The following SAMD4A variants were observed in gnomAD, a reference collection of about 807,000 sequenced individuals.
The protein encoded by SAMD4A is sterile alpha motif domain containing 4A, also known as protein Smaug homolog 1.
In SAMD4A, 33 loss-of-function variants were observed where a neutral mutation model predicts 81.3. The observed-to-expected ratio is 0.41, with a 90% CI of 0.31 to 0.54. The LOEUF is 0.54. Ranked by LOEUF, SAMD4A falls within the 20% of genes least tolerant of loss-of-function variation. SAMD4A has a pLI of 0.37. For synonymous variants in SAMD4A, 389 were observed against 382.1 expected (o/e 1.02, Z -0.21); for missense variants, 854 against 951.1 (o/e 0.90, Z 1.34).
chr14:54,770,088 C>CTGTT lies in SAMD4A; in HGVS notation c.1597-10_1597-7dup, dbSNP rs1491530889. ...AGGCTGCGTCACCCATTTAAAAGTC[C>CTGTT]TGTTTGTTTTTGCAGGCATTTACAG... On this transcript the variant is annotated splice_polypyrimidine_tract_variant and intron_variant, in intron 8 of 12. Transcript: ENST00000554335. The CTGTT allele has an allele frequency of 9.7e-6, 15 of 1,543,176 alleles. No individual in the cohort carries two copies. The highest frequency in any genetic ancestry group is 1.3e-5 in the Non-Finnish European group (14 of 1,116,216).
chr14:54,659,997 C>T (rs1477849272), intron 2 of SAMD4A, among the ~76,000 whole-genome samples: 2 of 151,938 alleles, frequency 1.3e-5, no homozygotes, highest in Non-Finnish European at 2.9e-5. Context: ...AGGAAAATTG[C>T]GTGAACCCGG....
intron 2 of SAMD4A, among the ~76,000 whole-genome samples, chr14:54,626,070 G>A (rs1319598085): frequency 2.7e-5 from 3 of 111,378 alleles, no homozygotes; most frequent in African/African-American, 7.6e-5. Context: ...GCGCGCGCGC[G>A]CGCGCGAGTG....
chr14:54,762,346 C>G (rs1240176975), intron 7 of SAMD4A, among the ~76,000 whole-genome samples: 1 of 152,174 alleles, frequency 6.6e-6, no homozygotes, highest in African/African-American at 2.4e-5. Flanking sequence ...TATTTCAGAC[C>G]ATTTTAAAAA....
chr14:54,608,958 G>C (rs1052429580), intron 2 of SAMD4A, among the ~76,000 whole-genome samples: 6 of 152,164 alleles, frequency 3.9e-5, no homozygotes, highest in African/African-American at 1.2e-4. Context: ...AGTAAAAGGC[G>C]CTTTTCACAT....
In SAMD4A at chr14:54,758,700, C is replaced by T. The variant is rs1345341055; in HGVS notation, c.1177-1461C>T. Among the ~76,000 whole-genome samples the T allele has an allele frequency of 3.9e-5, 6 of 152,172 alleles. No individual in the cohort carries two copies. In the South Asian group the frequency reaches 1.2e-3, roughly 31 times the overall value. On this transcript the variant is annotated intron_variant, in intron 6 of 12. Coordinates refer to ENST00000554335, the MANE Select transcript of SAMD4A (RefSeq NM_015589.6). ...CAAAAATTAGTTGGGTGTGGTGGCA[C>T]ATGCCCATAATCCCAGCTATTCGGG... is the stretch of plus-strand genomic sequence containing the variant.
In SAMD4A at chr14:54,657,747, G is replaced by A. The variant is rs763806495; in HGVS notation, c.197-44315G>A. 3.7e-4 allele frequency among the ~76,000 whole-genome samples: 56 copies of A among 152,164 alleles called. 1 individual carries two copies. Among genetic ancestry groups the A allele is most frequent in the African/African-American group, 1.2e-3 (49 of 41,446 alleles). On this transcript the variant is annotated intron_variant, in intron 2 of 12. Coordinates refer to ENST00000554335, the MANE Select transcript of SAMD4A (RefSeq NM_015589.6). ...AAATTAAGATTTTCATATAGGGACC[G>A]TCCACATCAGCCAATGAAGAGCCAC...
At chr14:54,742,197 T>C (rs912195341) in intron 4 of SAMD4A, among the ~76,000 whole-genome samples, 1 of 152,036 alleles carries the variant, frequency 6.6e-6, no homozygotes, top group African/African-American at 2.4e-5. Flanking sequence ...CTTCATGAGA[T>C]AGAGCTGAGA....
chr14:54,742,124 G>A (rs2037859006), intron 4 of SAMD4A, among the ~76,000 whole-genome samples: 1 of 151,980 alleles, frequency 6.6e-6, no homozygotes, highest in African/African-American at 2.4e-5. Context: ...TAATTGAGGG[G>A]GAAAAGGAAG....
intron 2 of SAMD4A, among the ~76,000 whole-genome samples, chr14:54,683,336 G>T (rs927995294): frequency 3.9e-5 from 6 of 152,218 alleles, no homozygotes; most frequent in African/African-American, 1.4e-4. Flanking sequence ...TGGCAGTGAT[G>T]TCTGGAGCCC....
At chr14:54,737,518 G>C (rs549838912) in intron 4 of SAMD4A, among the ~76,000 whole-genome samples, 40 of 146,200 alleles carry the variant, frequency 2.7e-4, no homozygotes, top group Middle Eastern at 3.6e-3. Flanking sequence ...GAGTAAGAGA[G>C]GTCAACCCAC....
chr14:54,663,600 T>C (rs2035691044), intron 2 of SAMD4A, among the ~76,000 whole-genome samples: 1 of 152,202 alleles, frequency 6.6e-6, no homozygotes, highest in Admixed American at 6.5e-5. Flanking sequence ...ATTTATCCAA[T>C]AGTCAGTGAG....
At chr14:54,629,508 G>A (rs1267501689) in intron 2 of SAMD4A, among the ~76,000 whole-genome samples, 1 of 152,040 alleles carries the variant, frequency 6.6e-6, no homozygotes, top group Non-Finnish European at 1.5e-5. Context: ...CCATCTTATT[G>A]GTAACTGCTA....
chr14:54,728,086 G>T (rs148302446), intron 3 of SAMD4A, among the ~76,000 whole-genome samples: 1 of 152,194 alleles, frequency 6.6e-6, no homozygotes, highest in Non-Finnish European at 1.5e-5. Flanking sequence ...GCTGAATTAT[G>T]CCAGGAACCT....
chr14:54,775,201 C>T, intron 10 of SAMD4A, 66 bp downstream of exon 10: 2 of 1,582,240 alleles, frequency 1.3e-6, no homozygotes, highest in Non-Finnish European at 1.7e-6. Flanking sequence ...AGATGTCCCC[C>T]CAGGTGACCC....
chr14:54,700,008 C>T (rs908947642), intron 2 of SAMD4A, among the ~76,000 whole-genome samples: 9 of 152,152 alleles, frequency 5.9e-5, no homozygotes, highest in Non-Finnish European at 1.2e-4. Context: ...GCACAGTAAA[C>T]CCATTTTCTT....
intron 2 of SAMD4A, among the ~76,000 whole-genome samples, chr14:54,634,525 C>T (rs980311572): frequency 2.0e-5 from 3 of 151,980 alleles, no homozygotes; most frequent in South Asian, 2.1e-4. Flanking sequence ...AACCTAGATC[C>T]CTTGCATGCA....
At chr14:54,585,320 T>C (rs1423164963) in intron 2 of SAMD4A, among the ~76,000 whole-genome samples, 1 of 152,220 alleles carries the variant, frequency 6.6e-6, no homozygotes, top group African/African-American at 2.4e-5. Context: ...GTGGTAAACA[T>C]CCTTTAAAGC....
intron 2 of SAMD4A, among the ~76,000 whole-genome samples, chr14:54,670,877 T>C (rs879549724): frequency 2.0e-5 from 3 of 152,146 alleles, no homozygotes; most frequent in Non-Finnish European, 4.4e-5. Flanking sequence ...AAAGTAAATA[T>C]AAACATTGCA....
In SAMD4A at chr14:54,748,868, T is replaced by C; in HGVS notation, c.1033T>C (p.Ser345Pro). The change falls in exon 5 of 13, where the codon TCC becomes CCC. Residue 345 changes from serine to proline, a missense_variant. Physicochemically the swap from Ser to Pro is moderately conservative, Grantham distance 74. Coordinates refer to ENST00000554335, the MANE Select transcript of SAMD4A (RefSeq NM_015589.6). ...CCTGCACAAATATGCCGCGCTTTTC[T>C]CCCAGATGACCTATGAGGAGATGAT... is the stretch of plus-strand genomic sequence containing the variant. The part of the protein sequence containing the change: ...LRLHKYAALF[S>P]QMTYEEMMAL... 1 of 1,555,662 alleles carries C rather than the reference T, an allele frequency of 6.4e-7. No homozygotes were observed. The highest frequency in any genetic ancestry group is 8.7e-7 in the Non-Finnish European group (1 of 1,148,758).
Sources: gnomAD v4.1 joint callset for allele counts (sites outside exome capture counted in the v4.1 genomes callset) on GRCh38, gnomAD v4.1.1 for gene constraint, MANE v1.5 for transcripts, NCBI Gene and HGNC (gene_info 2026-07-23, HGNC 2026-07-21) for gene names.